The following CAMKMT variants were observed in gnomAD, a reference collection of about 807,000 sequenced individuals.
CAMKMT encodes the protein calmodulin-lysine N-methyltransferase, also known as CaM KMT.
CAMKMT carries 53 observed loss-of-function variants against 48.0 expected under a neutral mutation model. The ratio of observed to expected loss-of-function variants is 1.10; its 90% CI spans 0.89 to 1.39. CAMKMT has a LOEUF of 1.39. CAMKMT is among the 40% of genes most tolerant of loss of function. The pLI is 0.00. For synonymous variants in CAMKMT, 165 were observed against 152.3 expected (o/e 1.08, Z -0.61); for missense variants, 428 against 402.7 (o/e 1.06, Z -0.54).
intron 7 of CAMKMT, among the ~76,000 whole-genome samples, chr2:44,739,423 G>A (rs181345598): frequency 1.4e-3 from 208 of 152,264 alleles, no homozygotes; most frequent in Non-Finnish European, 2.5e-3. Flanking sequence ...CTGAGCAACT[G>A]GAAAGATGGA....
At chr2:44,602,167 G>A (rs937294218) in intron 3 of CAMKMT, among the ~76,000 whole-genome samples, 3 of 151,818 alleles carry the variant, frequency 2.0e-5, no homozygotes, top group African/African-American at 7.3e-5. Context: ...CCCCACACCT[G>A]GCTGATTTTT....
chr2:44,369,917 A>G (rs539977540), intron 1 of CAMKMT: 1 of 152,342 alleles, frequency 6.6e-6, no homozygotes, highest in South Asian at 2.1e-4. Context: ...AGTGCATCTG[A>G]TTAGTTAAAC....
chr2:44,453,005 T>C (rs1378750404), intron 3 of CAMKMT, among the ~76,000 whole-genome samples: 6 of 152,072 alleles, frequency 3.9e-5, no homozygotes, highest in East Asian at 1.9e-4. Context: ...GTTTAAAAGA[T>C]GTCTAATTGA....
intron 3 of CAMKMT, among the ~76,000 whole-genome samples, chr2:44,692,171 T>C (rs986453688): frequency 1.3e-5 from 2 of 152,064 alleles, no homozygotes; most frequent in Non-Finnish European, 2.9e-5. Flanking sequence ...GAAAGTACCA[T>C]AAAAATGTAA....
chr2:44,494,889 C>T (rs1199916641), intron 3 of CAMKMT, among the ~76,000 whole-genome samples: 1 of 152,212 alleles, frequency 6.6e-6, no homozygotes, highest in Non-Finnish European at 1.5e-5. Context: ...GAGCACTGTG[C>T]TTAGCACATC....
chr2:44,425,825 A>T (rs1180564833), intron 3 of CAMKMT, among the ~76,000 whole-genome samples: 1 of 151,370 alleles, frequency 6.6e-6, no homozygotes, highest in African/African-American at 2.4e-5. Flanking sequence ...CCACCTCCCG[A>T]GTTTAAGCCA....
At chr2:44,639,826 A>T (rs1673351835) in intron 3 of CAMKMT, among the ~76,000 whole-genome samples, 1 of 152,210 alleles carries the variant, frequency 6.6e-6, no homozygotes, top group Non-Finnish European at 1.5e-5. Context: ...AGCTAATTTT[A>T]TGAATTATAT....
intron 3 of CAMKMT, among the ~76,000 whole-genome samples, chr2:44,674,119 A>C (rs374979755): frequency 1.2e-4 from 18 of 152,284 alleles, no homozygotes; most frequent in African/African-American, 4.1e-4. Context: ...GGTCTCACTA[A>C]ATTTGACGTT....
At chr2:44,470,497 T>G (rs1668356631) in intron 3 of CAMKMT, among the ~76,000 whole-genome samples, 1 of 79,580 alleles carries the variant, frequency 1.3e-5, no homozygotes, top group Non-Finnish European at 2.8e-5. Context: ...AATTTGGAGG[T>G]GTCTGGTTTC....
At chr2:44,517,728 C>T (rs1248007735) in intron 3 of CAMKMT, among the ~76,000 whole-genome samples, 2 of 152,188 alleles carry the variant, frequency 1.3e-5, no homozygotes, top group Non-Finnish European at 2.9e-5. Flanking sequence ...AATATTTCAT[C>T]TCTCAAGGCC....
chr2:44,362,810 A>G (rs984096845), intron 1 of CAMKMT, among the ~76,000 whole-genome samples: 10 of 152,138 alleles, frequency 6.6e-5, no homozygotes, highest in African/African-American at 1.7e-4. Context: ...TGGTACTTCA[A>G]AGTTTCTGCT....
chr2:44,719,810 G>A (rs1678364202), intron 7 of CAMKMT, among the ~76,000 whole-genome samples: 1 of 152,264 alleles, frequency 6.6e-6, no homozygotes, highest in South Asian at 2.1e-4. Flanking sequence ...GCATTTATCT[G>A]TTCTTTGTCA....
chr2:44,374,371 CTT>C (rs1335782606), intron 2 of CAMKMT, among the ~76,000 whole-genome samples: 1 of 152,018 alleles, frequency 6.6e-6, no homozygotes, highest in Non-Finnish European at 1.5e-5. Context: ...CTTACAATAA[CTT>C]TGTGAAGCAG....
At chr2:44,474,828 C>T (rs767622346) in intron 3 of CAMKMT, among the ~76,000 whole-genome samples, 2 of 152,316 alleles carry the variant, frequency 1.3e-5, no homozygotes, top group East Asian at 1.9e-4. Flanking sequence ...CTGCAATTCT[C>T]TATTTCCGTT....
chr2:44,388,576 A>T (rs1463443231), intron 2 of CAMKMT, among the ~76,000 whole-genome samples: 1 of 152,130 alleles, frequency 6.6e-6, no homozygotes, highest in Non-Finnish European at 1.5e-5. Context: ...GGGGTGCTAA[A>T]GAGCCTTGTT....
At chr2:44,373,485 G>C (rs757851911) in intron 2 of CAMKMT, among the ~76,000 whole-genome samples, 1 of 152,150 alleles carries the variant, frequency 6.6e-6, no homozygotes, top group Non-Finnish European at 1.5e-5. Flanking sequence ...TTATGTTCTA[G>C]CATGTTGCAA....
chr2:44,381,990 G>A (rs151012467), intron 2 of CAMKMT, among the ~76,000 whole-genome samples: 2,461 of 137,892 alleles, frequency 0.018, 26 homozygotes, highest in Middle Eastern at 0.044. Flanking sequence ...CACCCAGGCT[G>A]GAATGCAATG....
At chr2:44,572,017 G>A (rs920003627) in intron 3 of CAMKMT, among the ~76,000 whole-genome samples, 3 of 151,688 alleles carry the variant, frequency 2.0e-5, no homozygotes, top group Admixed American at 6.6e-5. Flanking sequence ...AATCTTTTAC[G>A]TATCTTAAGT....
intron 3 of CAMKMT, among the ~76,000 whole-genome samples, chr2:44,528,011 T>C (rs1423677415): frequency 6.6e-6 from 1 of 152,148 alleles, no homozygotes; most frequent in Non-Finnish European, 1.5e-5. Flanking sequence ...CACCTATTCG[T>C]TCCTTGTAGT....
Sources: allele counts gnomAD v4.1 joint callset (sites outside exome capture counted in the v4.1 genomes callset), GRCh38; gene constraint gnomAD v4.1.1; transcripts MANE v1.5; gene names NCBI Gene and HGNC (gene_info 2026-07-23, HGNC 2026-07-21).